OR2G6: variants seen among roughly 807,000 people sequenced by gnomAD.
The protein encoded by OR2G6 is olfactory receptor 2G6.
For missense variants in OR2G6, 457 were observed against 391.3 expected (o/e 1.17, Z -1.42); for synonymous variants, 183 against 155.2 (o/e 1.18, Z -1.33).
At position 248,522,027 on chromosome 1, in the gene OR2G6, C is replaced by CAG. The variant is rs778073703; in HGVS notation, c.381_382insAG (p.Arg128SerfsTer7). 16 of 1,614,182 alleles carry CAG rather than the reference C, an allele frequency of 9.9e-6. No individual in the cohort carries two copies. Among genetic ancestry groups the CAG allele is most frequent in the Non-Finnish European group, 1.4e-5 (16 of 1,180,030 alleles). On this transcript the variant is annotated frameshift_variant, in exon 2 of 2. Transcript: ENST00000641804. LOFTEE classifies it low-confidence loss of function (END_TRUNC). ...CTTATGACCGCTATGCTGCTGTCTG[C>CAG]CGGCCACTGCGCTACATAGCCATTA...
intron 1 of OR2G6, among the ~76,000 whole-genome samples, chr1:248,519,771 C>G (rs764013503): frequency 1.5e-4 from 23 of 152,148 alleles, no homozygotes; most frequent in Admixed American, 6.5e-5. Context: ...AGTGTGATGC[C>G]TCCAGCTTTG....
Position 248,526,714 on chromosome 1 carries a change from C to CT in OR2G6, c.*4117_*4118insT. The CT allele has an allele frequency of 3.4e-5, 1 of 29,516 alleles. No individual in the cohort carries two copies. Among genetic ancestry groups the CT allele is most frequent in the Non-Finnish European group, 3.6e-4 (1 of 2,748 alleles). 1.8% of individuals were successfully genotyped at this position (29,516 alleles called of 1,614,324 possible). On this transcript the variant is annotated 3_prime_UTR_variant, in exon 2 of 2. Transcript: ENST00000641804. ...TTCTAACTGGTGTGAGATGATATCT[C>CT]ATTGTGGTTTTGATTTGCATTTCTC...
intron 1 of OR2G6, among the ~76,000 whole-genome samples, chr1:248,519,784 C>G (rs967991216): frequency 1.3e-5 from 2 of 152,114 alleles, no homozygotes; most frequent in Non-Finnish European, 2.9e-5. Context: ...CAGCTTTGTC[C>G]TTTTTGCTTA....
At chr1:248,521,314 C>A (rs568515486) in intron 1 of OR2G6, among the ~76,000 whole-genome samples, 5 of 152,012 alleles carry the variant, frequency 3.3e-5, no homozygotes, top group Non-Finnish European at 7.4e-5. Context: ...ATCATTTGAA[C>A]ATATAAATAT....
Position 248,522,084 on chromosome 1 carries a change from T to A in OR2G6, c.438T>A (p.Gly146=). ...MHPRFCASLA[G]GAWLSGLITS... The stretch of plus-strand genomic sequence containing the variant: ...CCAGGTTCTGTGCGTCTCTGGCCGG[T>A]GGAGCATGGCTCAGCGGCCTCATCA... Residue 146 remains glycine, a synonymous_variant, in exon 2 of 2, where the codon GGT becomes GGA. Transcript: ENST00000641804. 7 of 1,614,148 alleles carry A rather than the reference T, an allele frequency of 4.3e-6. No individual in the cohort carries two copies. Among genetic ancestry groups the A allele is most frequent in the Non-Finnish European group, 5.9e-6 (7 of 1,180,020 alleles).
intron 1 of OR2G6, among the ~76,000 whole-genome samples, chr1:248,521,040 T>TAAAAAAAAAAAA (rs56891856): frequency 2.4e-5 from 2 of 83,946 alleles, no homozygotes; most frequent in African/African-American, 8.9e-5. Flanking sequence ...AGATTCCATC[T>TAAAAAAAAAAAA]AAAAAAAAAA....
rs970482145 is a variant in OR2G6, at chr1:248,526,384, C to T, written c.*3787C>T. The stretch of plus-strand genomic sequence containing the variant: ...AAAGGAGAGTTTCTTCAATAAATGT[C>T]CTGGAACAGTAATCAGCAGCTGGGG... On this transcript the variant is annotated 3_prime_UTR_variant, in exon 2 of 2. Coordinates refer to ENST00000641804, the MANE Select transcript of OR2G6 (RefSeq NM_001013355.2). 7.2e-5 allele frequency: 11 copies of T among 152,272 alleles called. No individual in the cohort carries two copies. Among genetic ancestry groups the T allele is most frequent in the Admixed American group, 5.9e-4 (9 of 15,294 alleles). The allele number at this position is 152,272 out of a possible 1,614,324, so 9.4% of individuals were successfully genotyped here.
At chr1:248,508,822 A>T (rs542320823) in intron 1 of OR2G6, among the ~76,000 whole-genome samples, 5,066 of 78,574 alleles carry the variant, frequency 0.064, 1,257 homozygotes, top group African/African-American at 0.35. Context: ...CTCTTGTTGA[A>T]GAATTTTACT....
In OR2G6 at chr1:248,521,642, G is replaced by A. The variant is rs375374384; in HGVS notation, c.-5G>A. The A allele has an allele frequency of 1.2e-5, 20 of 1,607,048 alleles. No individual in the cohort carries two copies. Among genetic ancestry groups the A allele is most frequent in the South Asian group, 4.4e-5 (4 of 90,368 alleles). ...AAGCTGAAGAGTCCTGAAGCTGCAGGAAAAATGGAGGAAACCAACAACAGC... is the reference window on the plus strand; with the variant it reads ...AAGCTGAAGAGTCCTGAAGCTGCAGAAAAAATGGAGGAAACCAACAACAGC... On this transcript the variant is annotated 5_prime_UTR_variant, in exon 2 of 2. Transcript: ENST00000641804.
In OR2G6 at chr1:248,523,254, C is replaced by T. The variant is rs897600419; in HGVS notation, c.*657C>T. On this transcript the variant is annotated 3_prime_UTR_variant, in exon 2 of 2. Transcript: ENST00000641804. ...TTTTAACTGGAGAATGGAACCATCCCACTCTATTGGCTTATTTACAACACG... is the reference window on the plus strand; with the variant it reads ...TTTTAACTGGAGAATGGAACCATCCTACTCTATTGGCTTATTTACAACACG... 2.0e-5 allele frequency: 3 copies of T among 152,108 alleles called. No individual in the cohort carries two copies. The highest frequency in any genetic ancestry group is 7.2e-5 in the African/African-American group (3 of 41,404). The allele number at this position is 152,108 out of a possible 1,614,324, so 9.4% of individuals were successfully genotyped here. A position where few individuals can be genotyped will look rare whatever the true frequency, so the allele number is the denominator to read the frequency against.
chr1:248,521,952 T>C lies in OR2G6; in HGVS notation c.306T>C (p.Tyr102=), dbSNP rs9727474. Residue 102 remains tyrosine, a synonymous_variant, in exon 2 of 2, where the codon TAT becomes TAC. Transcript: ENST00000641804. The part of the protein sequence containing the change: ...MSYGGCVAQL[Y]VAMGLGSSEC... ...ACGGTGGCTGTGTGGCCCAGCTCTA[T>C]GTGGCCATGGGGTTGGGCTCGTCTG... 1,600,771 of 1,614,144 alleles carry C rather than the reference T, an allele frequency of 0.99. 794,651 individuals are homozygous for C. Among genetic ancestry groups the C allele is most frequent in the East Asian group, 1 (44,875 of 44,876 alleles).
rs923780944 is a variant in OR2G6 at position 248,522,793 on chromosome 1, G to A, written c.*196G>A. Reference sequence around the variant, plus strand: ...CTCTTGTCAATCCCAAAGCCACAGGGACTAGGAAGCATTGGAATTCTAAAG... The same window carrying A: ...CTCTTGTCAATCCCAAAGCCACAGGAACTAGGAAGCATTGGAATTCTAAAG... On this transcript the variant is annotated 3_prime_UTR_variant, in exon 2 of 2. Coordinates refer to ENST00000641804, the MANE Select transcript of OR2G6 (RefSeq NM_001013355.2). The A allele has an allele frequency of 1.8e-6, 1 of 542,642 alleles. No individual in the cohort carries two copies. Among genetic ancestry groups the A allele is most frequent in the Non-Finnish European group, 3.2e-6 (1 of 310,938 alleles). 33.6% of individuals were successfully genotyped at this position (542,642 alleles called of 1,614,324 possible). A position where few individuals can be genotyped will look rare whatever the true frequency, so the allele number is the denominator to read the frequency against.
At position 248,522,501 on chromosome 1, in the gene OR2G6, A is replaced by T; in HGVS notation, c.855A>T (p.Leu285Phe). ...SLFYTIVTPL[L>F]NPIIYTLRNK... ...TCTATACCATAGTCACCCCACTTTT[A>T]AACCCCATTATCTACACTCTGAGAA... The change falls in exon 2 of 2, where the codon TTA (leucine) becomes TTT (phenylalanine). Residue 285 changes from leucine (L) to phenylalanine (F), a missense_variant. By Grantham distance (22) the Leu-to-Phe change is conservative. Transcript: ENST00000641804. 6.2e-7 allele frequency: 1 copy of T among 1,613,452 alleles called. No individual in the cohort carries two copies. Among genetic ancestry groups the T allele is most frequent in the South Asian group, 1.1e-5 (1 of 91,046 alleles).
Position 248,527,005 on chromosome 1 carries a change from A to G in OR2G6, c.*4408A>G, listed in dbSNP as rs1456073919. On this transcript the variant is annotated 3_prime_UTR_variant, in exon 2 of 2. Transcript: ENST00000641804. ...AAGCTCTTTAGTTTAATTAGATCCC[A>G]TTTGTCAATTTTGGCTTTTGTTGCC... is the stretch of plus-strand genomic sequence containing the variant. The G allele has an allele frequency of 3.3e-5, 5 of 151,974 alleles. No individual in the cohort carries two copies. The East Asian group carries it at 7.7e-4, about 23-fold the overall frequency. The allele number at this position is 151,974 out of a possible 1,614,324, so 9.4% of individuals were successfully genotyped here.
In OR2G6 at chr1:248,521,828, T is replaced by A. The variant is rs770443623; in HGVS notation, c.182T>A (p.Phe61Tyr). Residue 61 changes from phenylalanine (F) to tyrosine (Y), a missense_variant, in exon 2 of 2, where the codon TTC (phenylalanine) becomes TAC (tyrosine). Coordinates refer to ENST00000641804, the MANE Select transcript of OR2G6 (RefSeq NM_001013355.2). The stretch of plus-strand genomic sequence containing the variant: ...TCCAGACTCCACACTCCAATGTACT[T>A]CTTCCTCAGCAACCTCTCGTGTGTG... Reference protein sequence around the residue: ...LDSRLHTPMYFFLSNLSCVDI... With the variant: ...LDSRLHTPMYYFLSNLSCVDI... The A allele has an allele frequency of 1.2e-6, 2 of 1,614,174 alleles. No individual in the cohort carries two copies. The highest frequency in any genetic ancestry group is 2.2e-5 in the South Asian group (2 of 91,080).
chr1:248,519,920 C>T (rs1308458489), intron 1 of OR2G6, among the ~76,000 whole-genome samples: 2 of 152,004 alleles, frequency 1.3e-5, no homozygotes, highest in African/African-American at 4.8e-5. Context: ...TTACTTTGGG[C>T]AGTGTGGCAT....
rs1382501734 is a variant in OR2G6, at chr1:248,521,775, T to G, written c.129T>G (p.Thr43=). 1.9e-6 allele frequency: 3 copies of G among 1,614,050 alleles called. No homozygotes were observed. Among genetic ancestry groups the G allele is most frequent in the African/African-American group, 2.7e-5 (2 of 75,044 alleles). ...YFYVLSLLGN[T]ALILVCCLDS... ...ACGTCTTGAGCCTTCTGGGGAACAC[T>G]GCCCTCATACTAGTATGTTGTCTGG... The change falls in exon 2 of 2, where the codon ACT becomes ACG. Residue 43 remains threonine (T), a synonymous_variant. Coordinates refer to ENST00000641804, the MANE Select transcript of OR2G6 (RefSeq NM_001013355.2).
chr1:248,522,238 G>A lies in OR2G6; in HGVS notation c.592G>A (p.Glu198Lys). The stretch of plus-strand genomic sequence containing the variant: ...TGTGGATACGACTTTCAACGAGGCA[G>A]AACTCTTTGTGGCCAGTGTAGTCTT... ...ACVDTTFNEAELFVASVVFLI... is the reference protein window; with the variant it reads ...ACVDTTFNEAKLFVASVVFLI... The change falls in exon 2 of 2, where the codon GAA (glutamate) becomes AAA (lysine). Residue 198 changes from glutamate (E) to lysine (K), a missense_variant. Physicochemically the swap from Glu to Lys is moderately conservative, Grantham distance 56 (BLOSUM62 1). Coordinates refer to ENST00000641804, the MANE Select transcript of OR2G6 (RefSeq NM_001013355.2). 6.2e-7 allele frequency: 1 copy of A among 1,614,114 alleles called. No individual in the cohort carries two copies. The highest frequency in any genetic ancestry group is 8.5e-7 in the Non-Finnish European group (1 of 1,180,010).
At chr1:248,520,283 G>A (rs894632638) in intron 1 of OR2G6, among the ~76,000 whole-genome samples, 2 of 152,104 alleles carry the variant, frequency 1.3e-5, no homozygotes, top group Non-Finnish European at 2.9e-5. Flanking sequence ...GGTGGGTTGG[G>A]GGGCTAGGAA....
Sources: allele counts gnomAD v4.1 joint callset (sites outside exome capture counted in the v4.1 genomes callset), GRCh38; gene constraint gnomAD v4.1.1; transcripts MANE v1.5; gene names NCBI Gene and HGNC (gene_info 2026-07-23, HGNC 2026-07-21).